Variants in EBF1 observed in about 807,000 individuals in gnomAD.
The protein encoded by EBF1 is EBF transcription factor 1.
In EBF1, 10 loss-of-function variants were observed where a neutral mutation model predicts 68.4. The ratio of observed to expected loss-of-function variants is 0.15; its 90% CI spans 0.09 to 0.25. The LOEUF (loss-of-function observed/expected upper bound fraction) is 0.25. Among genes scored for constraint, EBF1 ranks in the 10% least tolerant of loss-of-function variants. The probability of loss-of-function intolerance (pLI) is 1.00; values close to 1 mark genes in which losing one functional copy is unlikely to be tolerated. For missense variants in EBF1, 509 were observed against 794.4 expected (o/e 0.64, Z 4.32); for synonymous variants, 298 against 299.8 (o/e 0.99, Z 0.06).
intron 5 of EBF1, among the ~76,000 whole-genome samples, chr5:159,078,389 C>T (rs1219002673): frequency 1.3e-5 from 2 of 152,100 alleles, no homozygotes; most frequent in South Asian, 2.1e-4. Flanking sequence ...GAAACAATTC[C>T]GTAGATGAAA....
chr5:158,713,253 G>T, intron 12 of EBF1, 106 bp from the exon 13 acceptor site: 1 of 1,009,710 alleles, frequency 9.9e-7, no homozygotes, highest in Non-Finnish European at 1.3e-6. Flanking sequence ...ATGGTCAGCT[G>T]CATTAACTTC....
chr5:158,917,066 C>G (rs947661094), intron 6 of EBF1, among the ~76,000 whole-genome samples: 5 of 152,216 alleles, frequency 3.3e-5, no homozygotes, highest in Non-Finnish European at 7.3e-5. Context: ...TGCCTTGCCA[C>G]TGTCCTAACT....
intron 6 of EBF1, among the ~76,000 whole-genome samples, chr5:158,945,974 G>A (rs1294498702): frequency 1.3e-5 from 2 of 151,920 alleles, no homozygotes; most frequent in African/African-American, 4.8e-5. Context: ...TGATCAATTT[G>A]GCTATTGATA....
chr5:158,819,274 G>T (rs1032545706), intron 8 of EBF1, among the ~76,000 whole-genome samples: 1 of 152,192 alleles, frequency 6.6e-6, no homozygotes, highest in African/African-American at 2.4e-5. Context: ...AGCTGCAAGC[G>T]CTAATGGTAC....
At chr5:158,774,844 C>T (rs936371669) in intron 10 of EBF1, among the ~76,000 whole-genome samples, 1 of 151,864 alleles carries the variant, frequency 6.6e-6, no homozygotes, top group Admixed American at 6.6e-5. Context: ...ACACAGATTC[C>T]CTTTCATCAG....
chr5:158,757,930 G>A (rs966648795), intron 10 of EBF1, among the ~76,000 whole-genome samples: 17 of 152,100 alleles, frequency 1.1e-4, no homozygotes, highest in African/African-American at 4.1e-4. Context: ...GGCATAGTAC[G>A]AGGCACTGGA....
intron 6 of EBF1, among the ~76,000 whole-genome samples, chr5:159,054,233 A>G (rs1774333655): frequency 6.6e-6 from 1 of 152,164 alleles, no homozygotes; most frequent in Non-Finnish European, 1.5e-5. Context: ...GGTTTATTGG[A>G]CCTAAAATAA....
At chr5:158,910,373 C>T (rs1282684712) in intron 6 of EBF1, among the ~76,000 whole-genome samples, 1 of 152,200 alleles carries the variant, frequency 6.6e-6, no homozygotes, top group Non-Finnish European at 1.5e-5. Flanking sequence ...ATTCAATTTC[C>T]ATTAATGGTA....
At chr5:158,929,735 C>T (rs1810438903) in intron 6 of EBF1, among the ~76,000 whole-genome samples, 1 of 152,192 alleles carries the variant, frequency 6.6e-6, no homozygotes, top group African/African-American at 2.4e-5. Flanking sequence ...TTTAAATGAT[C>T]AATAAGTGCA....
chr5:158,984,341 A>G (rs781326547), intron 6 of EBF1, among the ~76,000 whole-genome samples: 2 of 152,068 alleles, frequency 1.3e-5, no homozygotes, highest in African/African-American at 4.8e-5. Flanking sequence ...CAACGACCTG[A>G]GTTTATACTT....
intron 5 of EBF1, among the ~76,000 whole-genome samples, chr5:159,076,448 T>C (rs1165651522): frequency 1.3e-5 from 2 of 152,100 alleles, no homozygotes; most frequent in African/African-American, 4.8e-5. Context: ...ACGGTCGTCA[T>C]CTAAAAATAA....
At chr5:159,025,315 G>C (rs1011178883) in intron 6 of EBF1, among the ~76,000 whole-genome samples, 2 of 152,202 alleles carry the variant, frequency 1.3e-5, no homozygotes, top group African/African-American at 4.8e-5. Context: ...TAAAAGGGGA[G>C]AGAGTAAATG....
intron 6 of EBF1, among the ~76,000 whole-genome samples, chr5:158,892,484 C>A (rs185326956): frequency 7.2e-5 from 11 of 152,154 alleles, no homozygotes; most frequent in South Asian, 4.1e-4. Flanking sequence ...ACAAAAAAAA[C>A]CAAAGATCTC....
intron 6 of EBF1, among the ~76,000 whole-genome samples, chr5:159,048,106 G>C (rs956687672): frequency 6.6e-6 from 1 of 152,056 alleles, no homozygotes; most frequent in African/African-American, 2.4e-5. Flanking sequence ...ACACTCTTAG[G>C]GAAGAAGACA....
At chr5:158,976,806 A>G (rs1277122952) in intron 6 of EBF1, among the ~76,000 whole-genome samples, 1 of 152,202 alleles carries the variant, frequency 6.6e-6, no homozygotes, top group Non-Finnish European at 1.5e-5. Flanking sequence ...TTAAAGAAAC[A>G]TTTTGTATTT....
intron 10 of EBF1, among the ~76,000 whole-genome samples, chr5:158,748,040 A>T (rs770612699): frequency 4.6e-5 from 7 of 152,202 alleles, no homozygotes; most frequent in Non-Finnish European, 8.8e-5. Flanking sequence ...CTTTCCCTTC[A>T]GGACAACACA....
Position 158,805,958 on chromosome 5 carries a change from TG to T in EBF1, c.779-9484del, listed in dbSNP as rs551919211. Among the ~76,000 whole-genome samples the T allele has an allele frequency of 4.4e-3, 668 of 152,178 alleles. 3 individuals carry two copies. Among genetic ancestry groups the T allele is most frequent in the African/African-American group, 0.015 (618 of 41,532 alleles). ...AAGATTTCTATGTTTTAAGGAGGCA[TG>T]TTTTTTTTTGCTGGGGCAGGGGTAT... On this transcript the variant is annotated intron_variant, in intron 8 of 15. Coordinates refer to ENST00000313708, the MANE Select transcript of EBF1 (RefSeq NM_024007.5).
intron 6 of EBF1, among the ~76,000 whole-genome samples, chr5:159,027,504 C>A (rs1170464033): frequency 1.3e-5 from 2 of 152,204 alleles, no homozygotes; most frequent in East Asian, 3.8e-4. Context: ...CACTACCACA[C>A]CAGTGTTCTT....
chr5:158,872,610 G>A (rs978154325), intron 6 of EBF1, among the ~76,000 whole-genome samples: 3 of 152,280 alleles, frequency 2.0e-5, no homozygotes, highest in African/African-American at 7.2e-5. Flanking sequence ...ATTCACTCTT[G>A]TCAAGTGAAC....
Sources: allele counts gnomAD v4.1 joint callset (sites outside exome capture counted in the v4.1 genomes callset), GRCh38; gene constraint gnomAD v4.1.1; transcripts MANE v1.5; gene names NCBI Gene and HGNC (gene_info 2026-07-23, HGNC 2026-07-21).